TNPO2: variants seen among roughly 807,000 people sequenced by gnomAD.
TNPO2 encodes the protein transportin-2.
TNPO2 carries 16 observed loss-of-function variants against 111.1 expected under a neutral mutation model. The ratio of observed to expected loss-of-function variants is 0.14; its 90% CI spans 0.10 to 0.22. The LOEUF (loss-of-function observed/expected upper bound fraction) is 0.22, where lower values mean the gene tolerates loss of function less well. Among genes scored for constraint, TNPO2 ranks in the 10% least tolerant of loss-of-function variants. The probability of loss-of-function intolerance (pLI) is 1.00; values close to 1 mark genes in which losing one functional copy is unlikely to be tolerated. For missense variants in TNPO2, 530 were observed against 1,173.7 expected, an observed-to-expected ratio of 0.45 and a Z score of 8.01; for synonymous variants, 481 against 475.8, an observed-to-expected ratio of 1.01 and a Z score of -0.14.
intron 12 of TNPO2, 193 bp downstream of exon 12, chr19:12,711,103 C>T (rs368559656): frequency 1.4e-6 from 1 of 697,136 alleles, no homozygotes. Flanking sequence ...ACTGTGTTAG[C>T]CAGGATGGTG....
chr19:12,702,987 C>G lies in TNPO2; in HGVS notation c.2210-69G>C. The G allele has an allele frequency of 7.2e-7, 1 of 1,397,886 alleles. No homozygotes were observed. Among genetic ancestry groups the G allele is most frequent in the Non-Finnish European group, 1.0e-6 (1 of 992,906 alleles). The allele number at this position is 1,397,886 out of a possible 1,614,324, so 86.6% of individuals were successfully genotyped here. A position where few individuals can be genotyped will look rare whatever the true frequency, so the allele number is the denominator to read the frequency against. On this transcript the variant is annotated intron_variant, in intron 20 of 25. Coordinates refer to ENST00000425528, the MANE Select transcript of TNPO2 (RefSeq NM_001382241.1). The surrounding 1 kb of genome is among the most constrained non-coding windows in gnomAD (Gnocchi z 5.5). ...CACAGGGGCCAGGGGGCCGCCCCAC[C>G]TCACTCACTACTCGCCCCAGTTCCA...
At chr19:12,720,750 G>T in intron 3 of TNPO2, 129 bp downstream of exon 3, 1 of 1,162,204 alleles carries the variant, frequency 8.6e-7, no homozygotes, top group South Asian at 1.6e-5. Flanking sequence ...TCTCTGTCCA[G>T]GGCAGATCCT....
chr19:12,708,133 T>A (rs980695246), intron 13 of TNPO2, among the ~76,000 whole-genome samples: 2 of 151,778 alleles, frequency 1.3e-5, no homozygotes, highest in Non-Finnish European at 2.9e-5. Flanking sequence ...TTTTTAACAA[T>A]TTTTTAATGT....
Position 12,721,065 on chromosome 19 carries a change from C to T in TNPO2, c.-13-75G>A, listed in dbSNP as rs1410344254. ...GAGACCCAGGTGGAGCCCCTGAGGCCGCGGTGGCCGCATGACGACGGGAAC... is the reference window on the plus strand; with the variant it reads ...GAGACCCAGGTGGAGCCCCTGAGGCTGCGGTGGCCGCATGACGACGGGAAC... On this transcript the variant is annotated intron_variant, in intron 2 of 25. Transcript: ENST00000425528. The surrounding 1 kb of genome is among the most constrained non-coding windows in gnomAD (Gnocchi z 4.9). 8.5e-6 allele frequency: 13 copies of T among 1,532,056 alleles called. No individual in the cohort carries two copies. The highest frequency in any genetic ancestry group is 1.1e-5 in the Non-Finnish European group (13 of 1,144,858). The allele number at this position is 1,532,056 out of a possible 1,614,324, so 94.9% of individuals were successfully genotyped here. A position where few individuals can be genotyped will look rare whatever the true frequency, so the allele number is the denominator to read the frequency against.
rs1037865045 is a variant in TNPO2, at chr19:12,701,109, C to T, written c.*155G>A. On this transcript the variant is annotated 3_prime_UTR_variant, in exon 26 of 26. Coordinates refer to ENST00000425528, the MANE Select transcript of TNPO2 (RefSeq NM_001382241.1). This position sits in a 1 kb window ranked among gnomAD's most constrained non-coding sequence, Gnocchi z 5.0. The stretch of plus-strand genomic sequence containing the variant: ...GAGGGCAAGTGGACGGATGGACGGA[C>T]GGACGGACGGACGGGGAAGGCATCT... 23 of 468,406 alleles carry T rather than the reference C, an allele frequency of 4.9e-5. No homozygotes were observed. In the Admixed American group the frequency reaches 6.0e-4, roughly 12 times the overall value. The allele number at this position is 468,406 out of a possible 1,614,324, so 29.0% of individuals were successfully genotyped here.
At chr19:12,713,165 C>T (rs182808864) in intron 10 of TNPO2, among the ~76,000 whole-genome samples, 1 of 152,300 alleles carries the variant, frequency 6.6e-6, no homozygotes, top group Admixed American at 6.5e-5. Context: ...CAGGGACATG[C>T]GGTCCTATTC....
At chr19:12,716,481 C>G (rs2145590515) in intron 5 of TNPO2, among the ~76,000 whole-genome samples, 1 of 152,164 alleles carries the variant, frequency 6.6e-6, no homozygotes, top group African/African-American at 2.4e-5. Context: ...CAAAAATTAG[C>G]TGGGTGTGGT....
At chr19:12,711,222 C>CA in intron 12 of TNPO2, 74 bp downstream of exon 12, 1 of 1,556,650 alleles carries the variant, frequency 6.4e-7, no homozygotes, top group South Asian at 1.2e-5. Flanking sequence ...GCTTCTGCCT[C>CA]AGCTTCTAGT....
In TNPO2 at chr19:12,715,337, A is replaced by AGGT. The variant is rs2145581793; in HGVS notation, c.567-14_567-13insACC. The AGGT allele has an allele frequency of 6.2e-7, 1 of 1,613,772 alleles. No individual in the cohort carries two copies. The highest frequency in any genetic ancestry group is 2.2e-5 in the East Asian group (1 of 44,866). ...GATGGCGTGGGACCTGGCGGGGAGC[A>AGGT]GACACGTGGGTCACCCTGACCCTGC... is the stretch of plus-strand genomic sequence containing the variant. On this transcript the variant is annotated splice_polypyrimidine_tract_variant and intron_variant, in intron 7 of 25. Coordinates refer to ENST00000425528, the MANE Select transcript of TNPO2 (RefSeq NM_001382241.1). This position sits in a 1 kb window ranked among gnomAD's most constrained non-coding sequence, Gnocchi z 7.1.
chr19:12,702,178 C>A lies in TNPO2; in HGVS notation c.2306-1G>T, dbSNP rs769255420. 6.2e-7 allele frequency: 1 copy of A among 1,612,686 alleles called. No homozygotes were observed. The highest frequency in any genetic ancestry group is 8.5e-7 in the Non-Finnish European group (1 of 1,179,580). ...ATGGCAGAGGGACTCGTCAGGCGAC[C>A]TGCAACCCCGAGCGGCCCCGGGACG... On this transcript the variant is annotated splice_acceptor_variant, in intron 21 of 25. Transcript: ENST00000425528. LOFTEE classifies it high-confidence loss of function. This position sits in a 1 kb window ranked among gnomAD's most constrained non-coding sequence, Gnocchi z 5.5.
rs1193988691 is a variant in TNPO2, at chr19:12,701,332, G to A, written c.*14C>T. On this transcript the variant is annotated 3_prime_UTR_variant, in exon 25 of 26. Coordinates refer to ENST00000425528, the MANE Select transcript of TNPO2 (RefSeq NM_001382241.1). The surrounding 1 kb of genome is among the most constrained non-coding windows in gnomAD (Gnocchi z 5.0). Reference sequence around the variant, plus strand: ...CCAGCTGCAGTCTCCTTACCTGGCAGTCTCCATGATCACCTAGACCCCATA... The same window carrying A: ...CCAGCTGCAGTCTCCTTACCTGGCAATCTCCATGATCACCTAGACCCCATA... 2.5e-6 allele frequency: 4 copies of A among 1,606,306 alleles called. No homozygotes were observed. The African/African-American group carries it at 5.4e-5, about 21-fold the overall frequency.
chr19:12,714,792 GTA>G, intron 10 of TNPO2, 27 bp downstream of exon 10: 1 of 1,588,708 alleles, frequency 6.3e-7, no homozygotes, highest in Non-Finnish European at 8.6e-7. Flanking sequence ...CGAAGCTGGG[GTA>G]GGACAGTGGG....
At position 12,701,827 on chromosome 19, in the gene TNPO2, C is replaced by T. The variant is rs1472079932; in HGVS notation, c.2436G>A (p.Arg812=). ...RPWCTSLRNI[R]DNEEKDSAFR... Reference sequence around the variant, plus strand: ...AGGCTGAGTCCTTCTCCTCGTTGTCCCTGATGTTCCTGAGGGACGTGCACC... The same window carrying T: ...AGGCTGAGTCCTTCTCCTCGTTGTCTCTGATGTTCCTGAGGGACGTGCACC... Residue 812 remains arginine, a synonymous_variant, in exon 23 of 26, where the codon AGG becomes AGA. Transcript: ENST00000425528. This position sits in a 1 kb window ranked among gnomAD's most constrained non-coding sequence, Gnocchi z 5.0. The T allele has an allele frequency of 1.9e-6, 3 of 1,613,630 alleles. No individual in the cohort carries two copies. The highest frequency in any genetic ancestry group is 2.7e-5 in the African/African-American group (2 of 75,026).
At position 12,706,647 on chromosome 19, in the gene TNPO2, C is replaced by T. The variant is rs764732756; in HGVS notation, c.1419G>A (p.Met473Ile). The T allele has an allele frequency of 2.5e-6, 4 of 1,613,978 alleles. No homozygotes were observed. In the South Asian group the frequency reaches 3.3e-5, roughly 13 times the overall value. ...GCTCTGTCATCAGGGGCTTGAGGTG[C>T]ATGTCGGGTGGCTGGCTGACCACCC... The part of the protein sequence containing the change: ...AHWVVSQPPD[M>I]HLKPLMTELL... Residue 473 changes from methionine to isoleucine, a missense_variant, in exon 14 of 26, where the codon ATG (methionine) becomes ATA (isoleucine). Coordinates refer to ENST00000425528, the MANE Select transcript of TNPO2 (RefSeq NM_001382241.1). The surrounding 1 kb of genome is among the most constrained non-coding windows in gnomAD (Gnocchi z 7.0).
In TNPO2 at chr19:12,720,957, C is replaced by T. The variant is rs1260118374; in HGVS notation, c.21G>A (p.Glu7=). The change falls in exon 3 of 26, where the codon GAG becomes GAA. Residue 7 remains glutamate, a synonymous_variant. Transcript: ENST00000425528. MDWQPD[E]QGLQQVLQLL... is the part of the protein sequence containing the mutation. ...GCTGCAGGACCTGCTGCAGGCCCTG[C>T]TCGTCTGGCTGCCAGTCCATGGCGC... 6.3e-7 allele frequency: 1 copy of T among 1,592,428 alleles called. No individual in the cohort carries two copies. Among genetic ancestry groups the T allele is most frequent in the African/African-American group, 1.3e-5 (1 of 74,688 alleles).
chr19:12,702,711 A>G lies in TNPO2; in HGVS notation c.2305+112T>C. 2 of 982,584 alleles carry G rather than the reference A, an allele frequency of 2.0e-6. No homozygotes were observed. Among genetic ancestry groups the G allele is most frequent in the South Asian group, 2.9e-5 (2 of 70,034 alleles). The allele number at this position is 982,584 out of a possible 1,614,324, so 60.9% of individuals were successfully genotyped here. A position where few individuals can be genotyped will look rare whatever the true frequency, so the allele number is the denominator to read the frequency against. ...CCAGTGACCCCTTCCAGGTACTTCCAGACACCCTCCTTGGTTCCTTGACAA... is the reference window on the plus strand; with the variant it reads ...CCAGTGACCCCTTCCAGGTACTTCCGGACACCCTCCTTGGTTCCTTGACAA... On this transcript the variant is annotated intron_variant, in intron 21 of 25. Coordinates refer to ENST00000425528, the MANE Select transcript of TNPO2 (RefSeq NM_001382241.1). This position sits in a 1 kb window ranked among gnomAD's most constrained non-coding sequence, Gnocchi z 5.5.
rs2025279106 is a variant in TNPO2 at position 12,701,256 on chromosome 19, G to A, written c.*21-13C>T. On this transcript the variant is annotated splice_polypyrimidine_tract_variant and intron_variant, in intron 25 of 25. Coordinates refer to ENST00000425528, the MANE Select transcript of TNPO2 (RefSeq NM_001382241.1). The surrounding 1 kb of genome is among the most constrained non-coding windows in gnomAD (Gnocchi z 5.0). ...CGCAGACAGAAACCTGCAGGGGGAG[G>A]AGGAAGGTCATGGCCTGGGACCTTT... 6 of 1,009,432 alleles carry A rather than the reference G, an allele frequency of 5.9e-6. No individual in the cohort carries two copies. In the African/African-American group the frequency reaches 8.2e-5, roughly 14 times the overall value. 62.5% of individuals were successfully genotyped at this position (1,009,432 alleles called of 1,614,324 possible).
At position 12,702,452 on chromosome 19, in the gene TNPO2, T is replaced by G; in HGVS notation, c.2306-275A>C. 1 of 612,206 alleles carries G rather than the reference T, an allele frequency of 1.6e-6. No homozygotes were observed. The highest frequency in any genetic ancestry group is 1.6e-5 in the South Asian group (1 of 62,612). 37.9% of individuals were successfully genotyped at this position (612,206 alleles called of 1,614,324 possible). ...CTCTGTTGCCCAGGCTGGAGTGCAG[T>G]GGCATGATCTTGGCTCATTGCAACC... On this transcript the variant is annotated intron_variant, in intron 21 of 25. Coordinates refer to ENST00000425528, the MANE Select transcript of TNPO2 (RefSeq NM_001382241.1). The surrounding 1 kb of genome is among the most constrained non-coding windows in gnomAD (Gnocchi z 5.5).
chr19:12,721,220 C>T lies in TNPO2; in HGVS notation c.-13-230G>A, dbSNP rs887567530. Reference sequence around the variant, plus strand: ...GGAGGGGGGATGTGGAAACGGGCCACAGGCGGCGGCGGCGGGGCCCGGCGG... The same window carrying T: ...GGAGGGGGGATGTGGAAACGGGCCATAGGCGGCGGCGGCGGGGCCCGGCGG... On this transcript the variant is annotated intron_variant, in intron 2 of 25. Coordinates refer to ENST00000425528, the MANE Select transcript of TNPO2 (RefSeq NM_001382241.1). This position sits in a 1 kb window ranked among gnomAD's most constrained non-coding sequence, Gnocchi z 4.9. 2 of 1,354,506 alleles carry T rather than the reference C, an allele frequency of 1.5e-6. No homozygotes were observed. Among genetic ancestry groups the T allele is most frequent in the African/African-American group, 3.1e-5 (2 of 63,908 alleles). The allele number at this position is 1,354,506 out of a possible 1,614,324, so 83.9% of individuals were successfully genotyped here.
Sources: gnomAD v4.1 joint callset for allele counts (sites outside exome capture counted in the v4.1 genomes callset) on GRCh38, gnomAD v4.1.1 for gene constraint, Gnocchi (gnomAD v3.1) non-coding constraint, MANE v1.5 for transcripts, NCBI Gene and HGNC (gene_info 2026-07-23, HGNC 2026-07-21) for gene names.